Variants in LCN12 observed in about 807,000 individuals in gnomAD.
LCN12 encodes epididymal-specific lipocalin-12.
Under a neutral mutation model 23.7 loss-of-function variants are expected in LCN12, and 15 were observed. The ratio of observed to expected loss-of-function variants is 0.63; its 90% confidence interval spans 0.42 to 0.97. The LOEUF (loss-of-function observed/expected upper bound fraction) is 0.97. Among genes scored for constraint, LCN12 ranks in the 50% least tolerant of loss-of-function variants. LCN12 has a pLI of 0.00. For missense variants in LCN12, 219 were observed against 249.6 expected (o/e 0.88, Z 0.83); for synonymous variants, 116 against 111.5 (o/e 1.04, Z -0.25).
At chr9:136,950,265 G>A (rs1290495582), upstream of LCN12, among the ~76,000 whole-genome samples, 3 of 152,228 alleles carry the variant, frequency 2.0e-5, no homozygotes, top group Non-Finnish European at 2.9e-5. Context: ...GGGGACGTGG[G>A]GGGCACAGAG....
chr9:136,954,086 CT>C, intron 4 of LCN12, 67 bp from the exon 5 acceptor site: 1 of 1,516,032 alleles, frequency 6.6e-7, no homozygotes, highest in Non-Finnish European at 8.9e-7. Flanking sequence ...ATAGTTCAAT[CT>C]CCCACCTACC....
At chr9:136,954,413 C>A in intron 5 of LCN12, 158 bp downstream of exon 5, 1 of 918,408 alleles carries the variant, frequency 1.1e-6, no homozygotes, top group Non-Finnish European at 1.7e-6. Flanking sequence ...CTGTGCTCAA[C>A]CCAGGCTCTG....
At chr9:136,952,811 A>G (rs2131375301) in intron 1 of LCN12, 81 bp from the exon 2 acceptor site, 1 of 1,437,114 alleles carries the variant, frequency 7.0e-7, no homozygotes. Context: ...AGAAGCTGCC[A>G]GGGAGGGCGG....
upstream of LCN12, chr9:136,952,232 C>G (rs1851170788): frequency 1.2e-6 from 1 of 852,254 alleles, no homozygotes; most frequent in South Asian, 1.4e-5. Context: ...TTGGGAGGGG[C>G]ACCTGCTGGG....
rs575256551 is a variant in LCN12, at chr9:136,955,372, C to G, written c.552C>G (p.Gly184=). The change falls in exon 6 of 6, where the codon GGC becomes GGG. Residue 184 remains glycine, a splice_region_variant and synonymous_variant. Transcript: ENST00000371633. ...DDNIVFPDVT[G]WSPQASVC ...TCCCGACTCCATCTCCCCCACCAGG[C>G]TGGTCACCCCAGGCCAGCGTCTGTT... 1.0e-4 allele frequency: 166 copies of G among 1,613,250 alleles called. 3 individuals are homozygous for G. The East Asian group carries it at 3.6e-3, about 35-fold the overall frequency.
At chr9:136,955,974 C>T (rs1245185184), downstream of LCN12, among the ~76,000 whole-genome samples, 1 of 152,148 alleles carries the variant, frequency 6.6e-6, no homozygotes, top group Non-Finnish European at 1.5e-5. Flanking sequence ...AGAGGGGAGG[C>T]GGTGACAAGC....
chr9:136,952,401 T>G lies in LCN12; in HGVS notation c.74T>G (p.Leu25Arg), dbSNP rs747412674. The G allele has an allele frequency of 1.6e-5, 25 of 1,596,394 alleles. No individual in the cohort carries two copies. Among genetic ancestry groups the G allele is most frequent in the Middle Eastern group, 1.7e-4 (1 of 6,036 alleles). The change falls in exon 1 of 6, where the codon CTG becomes CGG. Residue 25 changes from leucine to arginine, a missense_variant. Physicochemically the swap from Leu to Arg is moderately radical, Grantham distance 102. Transcript: ENST00000371633. ...CTGCAGGCCCAGACCCCAACCCCCC[T>G]GCCACTCCCGCCCCCGATGCAGAGC... ...KVLQAQTPTP[L>R]PLPPPMQSFQ...
At chr9:136,956,102 T>G (rs1851314522), downstream of LCN12, among the ~76,000 whole-genome samples, 1 of 152,058 alleles carries the variant, frequency 6.6e-6, no homozygotes, top group South Asian at 2.1e-4. Context: ...AAGATGTCTG[T>G]ATTCGGACGC....
intron 2 of LCN12, 128 bp downstream of exon 2, chr9:136,953,156 T>TGGG: frequency 3.9e-6 from 5 of 1,297,410 alleles, no homozygotes; most frequent in Non-Finnish European, 5.4e-6. Flanking sequence ...TGCCTGCCAA[T>TGGG]GACCAAACCC....
chr9:136,955,525 GGGT>G, downstream of LCN12: 1 of 1,062,280 alleles, frequency 9.4e-7, no homozygotes. Flanking sequence ...CTATGACCTT[GGGT>G]TGGGCAAAGA....
downstream of LCN12, among the ~76,000 whole-genome samples, chr9:136,956,269 T>C (rs1472760436): frequency 1.3e-5 from 2 of 152,012 alleles, no homozygotes; most frequent in Non-Finnish European, 2.9e-5. Flanking sequence ...GTAAAGAGCA[T>C]CCAGAGACCC....
At position 136,954,930 on chromosome 9, in the gene LCN12, G is replaced by A. The variant is rs879500885; in HGVS notation, c.551-441G>A. The A allele has an allele frequency of 1.8e-5, 22 of 1,239,218 alleles. No homozygotes were observed. In the East Asian group the frequency reaches 3.9e-4, roughly 22 times the overall value. The allele number at this position is 1,239,218 out of a possible 1,614,324, so 76.8% of individuals were successfully genotyped here. On this transcript the variant is annotated intron_variant, in intron 5 of 5. Transcript: ENST00000371633. ...CATAACCACATGCACACACACTCAC[G>A]CATGAGCAAACGTGTACAGACTGGC...
At chr9:136,954,369 G>A (rs1393597992) in intron 5 of LCN12, 114 bp downstream of exon 5, 8 of 1,236,480 alleles carry the variant, frequency 6.5e-6, no homozygotes, top group Admixed American at 6.0e-5. Flanking sequence ...CTCAGCCCCA[G>A]CCTGCGCTCA....
intron 1 of LCN12, chr9:136,952,661 CG>C: frequency 1.6e-6 from 1 of 632,612 alleles, no homozygotes; most frequent in South Asian, 2.0e-5. Flanking sequence ...TCCCTCTGTG[CG>C]TGAGGGGAAA....
chr9:136,950,592 G>A (rs142431394), upstream of LCN12, among the ~76,000 whole-genome samples: 14 of 152,366 alleles, frequency 9.2e-5, no homozygotes, highest in Admixed American at 2.6e-4. Flanking sequence ...TCCGGGAGGG[G>A]TGCCTGCTGC....
intron 1 of LCN12, 36 bp from the exon 2 acceptor site, chr9:136,952,854 CTG>C: frequency 1.8e-5 from 28 of 1,584,840 alleles, no homozygotes; most frequent in Non-Finnish European, 2.4e-5. Context: ...ACTGCCACCC[CTG>C]CCCACCGCCG....
At chr9:136,956,354 C>T (rs1446342905), downstream of LCN12, among the ~76,000 whole-genome samples, 1 of 152,210 alleles carries the variant, frequency 6.6e-6, no homozygotes. Flanking sequence ...TAGAATCCTT[C>T]TGCCATCATG....
At chr9:136,956,003 G>C (rs754346612), downstream of LCN12, among the ~76,000 whole-genome samples, 4 of 152,146 alleles carry the variant, frequency 2.6e-5, no homozygotes, top group Non-Finnish European at 4.4e-5. Flanking sequence ...GCTGGAGCCT[G>C]CTGGGCACAG....
chr9:136,953,332 C>T lies in LCN12; in HGVS notation c.251+304C>T, dbSNP rs978591534. The T allele has an allele frequency of 4.7e-5, 23 of 490,328 alleles. No homozygotes were observed. The Admixed American group carries it at 7.1e-4, about 15-fold the overall frequency. The allele number at this position is 490,328 out of a possible 1,614,324, so 30.4% of individuals were successfully genotyped here. A position where few individuals can be genotyped will look rare whatever the true frequency, so the allele number is the denominator to read the frequency against. ...TAATCCCAGGACTTCAGGGGCCGGG[C>T]GCGCTGGCTCACACCTGTAATCCTA... On this transcript the variant is annotated intron_variant, in intron 2 of 5. Transcript: ENST00000371633.
Sources: allele counts gnomAD v4.1 joint callset (sites outside exome capture counted in the v4.1 genomes callset), GRCh38; gene constraint gnomAD v4.1.1; transcripts MANE v1.5; gene names NCBI Gene and HGNC (gene_info 2026-07-23, HGNC 2026-07-21).